Variants in GPRIN2 observed in about 807,000 individuals in gnomAD.
GPRIN2 encodes G protein-regulated inducer of neurite outgrowth 2.
A neutral mutation model predicts 0.3 loss-of-function variants in GPRIN2; 1 was observed. That is an observed-to-expected ratio of 3.90 (90% CI 1.39 to 18.51). The LOEUF (loss-of-function observed/expected upper bound fraction) is 18.51. GPRIN2 is among the 30% of genes most tolerant of loss of function. The probability of loss-of-function intolerance (pLI) is 0.11; values close to 1 mark genes in which losing one functional copy is unlikely to be tolerated. For missense variants in GPRIN2, 880 were observed against 604.2 expected, an observed-to-expected ratio of 1.46 and a Z score of -4.79; for synonymous variants, 361 against 258.6, an observed-to-expected ratio of 1.40 and a Z score of -3.80.
chr10:46,556,386 G>A (rs1245721953), intron 1 of GPRIN2, among the ~76,000 whole-genome samples, 112 bp downstream of exon 1: 2 of 152,304 alleles, frequency 1.3e-5, no homozygotes, highest in African/African-American at 4.8e-5. Flanking sequence ...CCAGGATGCC[G>A]GGGGTCTGAG....
At chr10:46,552,733 T>C (rs1372130179) in intron 2 of GPRIN2, among the ~76,000 whole-genome samples, 5 of 152,310 alleles carry the variant, frequency 3.3e-5, no homozygotes, top group African/African-American at 1.2e-4. Context: ...AATGTTTAAG[T>C]TTTATTTGAA....
chr10:46,542,512 T>G lies in GPRIN2; in HGVS notation c.*6848A>C, dbSNP rs1841837399. On this transcript the variant is annotated 3_prime_UTR_variant, in exon 3 of 3. Coordinates refer to ENST00000374314, the MANE Select transcript of GPRIN2 (RefSeq NM_001385282.1). The stretch of plus-strand genomic sequence containing the variant: ...ATTCATTTTCCTTCCTGCTGCCTTG[T>G]GAAGAAGGTGCCTTGCTTCTCCTTC... Among the ~76,000 whole-genome samples, 1 of 152,312 alleles carries G rather than the reference T, an allele frequency of 6.6e-6. No homozygotes were observed. Among genetic ancestry groups the G allele is most frequent in the African/African-American group, 2.4e-5 (1 of 41,488 alleles).
Position 46,550,559 on chromosome 10 carries a change from G to T in GPRIN2, c.178C>A (p.Gln60Lys). Residue 60 changes from glutamine to lysine, a missense_variant, in exon 3 of 3, where the codon CAG becomes AAG. By Grantham distance (53) the Gln-to-Lys change is moderately conservative. Coordinates refer to ENST00000374314, the MANE Select transcript of GPRIN2 (RefSeq NM_001385282.1). ...AQLGEASTRPQAPEEEGNPPE... is the reference protein window; with the variant it reads ...AQLGEASTRPKAPEEEGNPPE... ...GGGTTCCCCTCTTCCTCCGGGGCCT[G>T]GGGTCTGGTGCTGGCCTCGCCCAGC... is the stretch of plus-strand genomic sequence containing the variant. The T allele has an allele frequency of 6.3e-7, 1 of 1,587,296 alleles. No individual in the cohort carries two copies. Among genetic ancestry groups the T allele is most frequent in the Non-Finnish European group, 8.6e-7 (1 of 1,166,360 alleles).
rs1842484393 is a variant in GPRIN2, at chr10:46,550,263, T to A, written c.474A>T (p.Pro158=). 6.2e-7 allele frequency: 1 copy of A among 1,610,950 alleles called. No homozygotes were observed. The highest frequency in any genetic ancestry group is 1.1e-5 in the South Asian group (1 of 90,922). The change falls in exon 3 of 3, where the codon CCA becomes CCT. Residue 158 remains proline, a synonymous_variant. Transcript: ENST00000374314. Reference sequence around the variant, plus strand: ...GGCCACCCTGGCCAGAAGTACCACCTGGCTGCAGCTGAGCCCTGTGGACAG... The same window carrying A: ...GGCCACCCTGGCCAGAAGTACCACCAGGCTGCAGCTGAGCCCTGTGGACAG... The part of the protein sequence containing the change: ...SSPVHRAQLQ[P]GGTSGQGGQA...
At chr10:46,552,725 T>TGATTAA (rs1212533749) in intron 2 of GPRIN2, among the ~76,000 whole-genome samples, 1 of 152,308 alleles carries the variant, frequency 6.6e-6, no homozygotes, top group African/African-American at 2.4e-5. Flanking sequence ...AGACACTGAA[T>TGATTAA]GTTTAAGTTT....
chr10:46,544,491 T>C lies in GPRIN2; in HGVS notation c.*4869A>G, dbSNP rs1237288147. 6.6e-6 allele frequency among the ~76,000 whole-genome samples: 1 copy of C among 152,306 alleles called. No individual in the cohort carries two copies. The highest frequency in any genetic ancestry group is 2.4e-5 in the African/African-American group (1 of 41,488). ...GATGCACACCACCATGCCCAGCTAA[T>C]TTTTGTATTTTTTGTAGAGATGGGA... On this transcript the variant is annotated 3_prime_UTR_variant, in exon 3 of 3. Transcript: ENST00000374314.
Position 46,544,740 on chromosome 10 carries a change from C to T in GPRIN2, c.*4620G>A, listed in dbSNP as rs1832975532. On this transcript the variant is annotated 3_prime_UTR_variant, in exon 3 of 3. Coordinates refer to ENST00000374314, the MANE Select transcript of GPRIN2 (RefSeq NM_001385282.1). ...ACCACAGAACCAGTTCTGCTGAGAA[C>T]GAGGACTCGAGTCAGGCTATGCTAC... is the stretch of plus-strand genomic sequence containing the variant. Among the ~76,000 whole-genome samples the T allele has an allele frequency of 1.2e-3, 184 of 152,322 alleles. No homozygotes were observed. The highest frequency in any genetic ancestry group is 6.2e-4 in the South Asian group (3 of 4,832).
In GPRIN2 at chr10:46,550,684, A is replaced by G. The variant is rs1555020923; in HGVS notation, c.53T>C (p.Leu18Pro). The G allele has an allele frequency of 1.3e-6, 2 of 1,515,988 alleles. No homozygotes were observed. Among genetic ancestry groups the G allele is most frequent in the African/African-American group, 2.8e-5 (2 of 71,654 alleles). 93.9% of individuals were successfully genotyped at this position (1,515,988 alleles called of 1,614,324 possible). ...GGAAGAGCTCTGGGACAGGGGCTGA[A>G]GGCGGGGGCTCAGGGGTGCCCAGGG... ...PGPWAPLSPR[L>P]QPLSQSSSSL... Residue 18 changes from leucine to proline, a missense_variant, in exon 3 of 3, where the codon CTT (leucine) becomes CCT (proline). Leu to Pro is a moderately conservative substitution (Grantham distance 98). Coordinates refer to ENST00000374314, the MANE Select transcript of GPRIN2 (RefSeq NM_001385282.1).
chr10:46,557,084 G>A (rs1043912979), upstream of GPRIN2, among the ~76,000 whole-genome samples: 2 of 147,684 alleles, frequency 1.4e-5, no homozygotes, highest in African/African-American at 2.5e-5. Context: ...TCTCCGCGCC[G>A]GCGGCTACCC....
At chr10:46,553,618 C>T (rs1588974545) in intron 2 of GPRIN2, among the ~76,000 whole-genome samples, 1 of 152,306 alleles carries the variant, frequency 6.6e-6, no homozygotes, top group Non-Finnish European at 1.5e-5. Flanking sequence ...GAGCATCCCA[C>T]TGTGCCTGTC....
At position 46,543,876 on chromosome 10, in the gene GPRIN2, G is replaced by A. The variant is rs1833017432; in HGVS notation, c.*5484C>T. On this transcript the variant is annotated 3_prime_UTR_variant, in exon 3 of 3. Coordinates refer to ENST00000374314, the MANE Select transcript of GPRIN2 (RefSeq NM_001385282.1). ...AGTGACCGCACAAGTGAGCAAAGGC[G>A]GCATTCACCCAACTCTTGGGACAAG... Among the ~76,000 whole-genome samples the A allele has an allele frequency of 1.3e-5, 2 of 152,286 alleles. No homozygotes were observed. Among genetic ancestry groups the A allele is most frequent in the Non-Finnish European group, 2.9e-5 (2 of 68,044 alleles).
At position 46,549,668 on chromosome 10, in the gene GPRIN2, G is replaced by A. The variant is rs1832637471; in HGVS notation, c.1069C>T (p.Pro357Ser). Residue 357 changes from proline (P) to serine (S), a missense_variant, in exon 3 of 3, where the codon CCT becomes TCT. Transcript: ENST00000374314. ...AVATSPSLEA[P>S]AALHVFPEVT... ...TCTGGGAACACATGCAGGGCTGCAGGCGCTTCCAGGGACGGACTGGTGGCC... is the reference window on the plus strand; with the variant it reads ...TCTGGGAACACATGCAGGGCTGCAGACGCTTCCAGGGACGGACTGGTGGCC... The A allele has an allele frequency of 1.9e-6, 3 of 1,614,170 alleles. No homozygotes were observed. The highest frequency in any genetic ancestry group is 2.2e-5 in the South Asian group (2 of 91,090).
chr10:46,549,643 T>A lies in GPRIN2; in HGVS notation c.1094A>T (p.Glu365Val). Residue 365 changes from glutamate (E) to valine (V), a missense_variant, in exon 3 of 3, where the codon GAG becomes GTG. Coordinates refer to ENST00000374314, the MANE Select transcript of GPRIN2 (RefSeq NM_001385282.1). ...EAPAALHVFPEVTLGSSLEEV... is the reference protein window; with the variant it reads ...EAPAALHVFPVVTLGSSLEEV... ...CTCCAGGCTGGACCCCAGAGTTACC[T>A]CTGGGAACACATGCAGGGCTGCAGG... 6.2e-7 allele frequency: 1 copy of A among 1,614,240 alleles called. No individual in the cohort carries two copies. Among genetic ancestry groups the A allele is most frequent in the Non-Finnish European group, 8.5e-7 (1 of 1,180,012 alleles).
In GPRIN2 at chr10:46,550,554, G is replaced by A. The variant is rs1353315773; in HGVS notation, c.183C>T (p.Ala61=). 1.9e-6 allele frequency: 3 copies of A among 1,587,890 alleles called. No individual in the cohort carries two copies. The highest frequency in any genetic ancestry group is 2.7e-5 in the African/African-American group (2 of 74,358). ...QLGEASTRPQ[A]PEEEGNPPES... ...CAGGCGGGTTCCCCTCTTCCTCCGG[G>A]GCCTGGGGTCTGGTGCTGGCCTCGC... The change falls in exon 3 of 3, where the codon GCC becomes GCT. Residue 61 remains alanine (A), a synonymous_variant. Coordinates refer to ENST00000374314, the MANE Select transcript of GPRIN2 (RefSeq NM_001385282.1).
At chr10:46,556,824 C>T (rs1335890046), upstream of GPRIN2, among the ~76,000 whole-genome samples, 1 of 152,282 alleles carries the variant, frequency 6.6e-6, no homozygotes. Flanking sequence ...CTCCTCAGGC[C>T]GGGTCCCCAC....
At position 46,545,828 on chromosome 10, in the gene GPRIN2, G is replaced by A. The variant is rs1842105433; in HGVS notation, c.*3532C>T. ...TCTATTTAATCTCCACACCAAGCAT[G>A]TGAAGGAGGCACCATTGTCATCCCC... is the stretch of plus-strand genomic sequence containing the variant. On this transcript the variant is annotated 3_prime_UTR_variant, in exon 3 of 3. Coordinates refer to ENST00000374314, the MANE Select transcript of GPRIN2 (RefSeq NM_001385282.1). Among the ~76,000 whole-genome samples the A allele has an allele frequency of 6.6e-6, 1 of 152,312 alleles. No individual in the cohort carries two copies. Among genetic ancestry groups the A allele is most frequent in the Non-Finnish European group, 1.5e-5 (1 of 68,058 alleles).
In GPRIN2 at chr10:46,549,691, G is replaced by A. The variant is rs1832625070; in HGVS notation, c.1046C>T (p.Ala349Val). 18 of 1,613,910 alleles carry A rather than the reference G, an allele frequency of 1.1e-5. No individual in the cohort carries two copies. The highest frequency in any genetic ancestry group is 1.7e-5 in the Admixed American group (1 of 60,010). The stretch of plus-strand genomic sequence containing the variant: ...AGGCGCTTCCAGGGACGGACTGGTG[G>A]CCACAGCCTTGCAGGCCGCCACTGG... ...AAPVAACKAVATSPSLEAPAA... is the reference protein window; with the variant it reads ...AAPVAACKAVVTSPSLEAPAA... Residue 349 changes from alanine to valine, a missense_variant, in exon 3 of 3, where the codon GCC becomes GTC. Physicochemically the swap from Ala to Val is moderately conservative, Grantham distance 64. Coordinates refer to ENST00000374314, the MANE Select transcript of GPRIN2 (RefSeq NM_001385282.1).
chr10:46,550,161 A>T lies in GPRIN2; in HGVS notation c.576T>A (p.Ser192Arg). 6.3e-7 allele frequency: 1 copy of T among 1,598,638 alleles called. No homozygotes were observed. The highest frequency in any genetic ancestry group is 1.7e-4 in the Middle Eastern group (1 of 5,998). ...GGTCTAGTGGTGGCACTGACAACTG[A>T]CTCGCCCCCAGCATCCAGGCTGAGT... ...TSNSAWMLGASQLSVPPLDLG... is the reference protein window; with the variant it reads ...TSNSAWMLGARQLSVPPLDLG... Residue 192 changes from serine (S) to arginine (R), a missense_variant, in exon 3 of 3, where the codon AGT becomes AGA. Ser to Arg is a moderately radical substitution (Grantham distance 110, BLOSUM62 -1). Coordinates refer to ENST00000374314, the MANE Select transcript of GPRIN2 (RefSeq NM_001385282.1).
Position 46,547,405 on chromosome 10 carries a change from G to T in GPRIN2, c.*1955C>A, listed in dbSNP as rs1484341403. Reference sequence around the variant, plus strand: ...AAGTTCCTTTCCTCATTTACATCAGGATCTTCACAATGGGGACCCCTGGTC... The same window carrying T: ...AAGTTCCTTTCCTCATTTACATCAGTATCTTCACAATGGGGACCCCTGGTC... On this transcript the variant is annotated 3_prime_UTR_variant, in exon 3 of 3. Coordinates refer to ENST00000374314, the MANE Select transcript of GPRIN2 (RefSeq NM_001385282.1). Among the ~76,000 whole-genome samples, 19 of 152,412 alleles carry T rather than the reference G, an allele frequency of 1.2e-4. No homozygotes were observed. The highest frequency in any genetic ancestry group is 2.2e-4 in the Non-Finnish European group (15 of 68,044).
Sources: gnomAD v4.1 joint callset for allele counts (sites outside exome capture counted in the v4.1 genomes callset) on GRCh38, gnomAD v4.1.1 for gene constraint, MANE v1.5 for transcripts, NCBI Gene and HGNC (gene_info 2026-07-23, HGNC 2026-07-21) for gene names.